Variants in VRK2 observed in about 807,000 individuals in gnomAD.
VRK2 encodes the protein serine/threonine-protein kinase VRK2.
A neutral mutation model predicts 57.6 loss-of-function variants in VRK2; 60 were observed. The ratio of observed to expected loss-of-function variants is 1.04; its 90% CI spans 0.85 to 1.29. The LOEUF (loss-of-function observed/expected upper bound fraction) is 1.29, where lower values mean the gene tolerates loss of function less well. Ranked by LOEUF, VRK2 falls within the 50% of genes most tolerant of loss-of-function variation. The probability of loss-of-function intolerance (pLI) is 0.00; values close to 1 mark genes in which losing one functional copy is unlikely to be tolerated. For missense variants in VRK2, 705 were observed against 588.1 expected, an observed-to-expected ratio of 1.20 and a Z score of -2.06; for synonymous variants, 231 against 199.2, an observed-to-expected ratio of 1.16 and a Z score of -1.35.
chr2:58,147,841 TATTAGTA>T (rs1682399824), intron 12 of VRK2, among the ~76,000 whole-genome samples: 1 of 150,866 alleles, frequency 6.6e-6, no homozygotes, highest in Non-Finnish European at 1.5e-5. Flanking sequence ...TTCATGCATG[TATTAGTA>T]ATTTGTTTTT....
At chr2:58,047,517 T>C (rs954419664) in intron 1 of VRK2, 2 of 901,650 alleles carry the variant, frequency 2.2e-6, no homozygotes, top group Non-Finnish European at 2.7e-6. Flanking sequence ...CTGAGGCCGC[T>C]GCCTTGCCCC....
intron 1 of VRK2, among the ~76,000 whole-genome samples, chr2:58,047,921 T>C (rs185134246): frequency 4.6e-5 from 7 of 152,380 alleles, no homozygotes; most frequent in Admixed American, 3.3e-4. Context: ...TTTACGTATA[T>C]ACGTTTTTAA....
chr2:58,057,579 G>T (rs887379638), intron 2 of VRK2, among the ~76,000 whole-genome samples: 10 of 152,114 alleles, frequency 6.6e-5, no homozygotes, highest in Non-Finnish European at 1.5e-4. Flanking sequence ...CGTTTGTGGG[G>T]AAAAGCATGG....
intron 1 of VRK2, among the ~76,000 whole-genome samples, chr2:57,910,510 C>G (rs977968716): frequency 1.3e-5 from 2 of 152,144 alleles, no homozygotes; most frequent in African/African-American, 4.8e-5. Context: ...CATGACAAGC[C>G]TGTAATATTT....
intron 1 of VRK2, among the ~76,000 whole-genome samples, chr2:57,920,191 G>C (rs1670295314): frequency 6.6e-6 from 1 of 151,954 alleles, no homozygotes; most frequent in South Asian, 2.1e-4. Context: ...AATAAGATCA[G>C]TCCAAAAAAA....
chr2:58,107,407 A>T (rs1674914481), intron 7 of VRK2, among the ~76,000 whole-genome samples: 1 of 151,990 alleles, frequency 6.6e-6, no homozygotes, highest in East Asian at 1.9e-4. Flanking sequence ...TTCTCTCTTT[A>T]CGCATGATAT....
chr2:58,049,187 C>A (rs752301334), intron 2 of VRK2, among the ~76,000 whole-genome samples: 8 of 152,078 alleles, frequency 5.3e-5, no homozygotes, highest in Non-Finnish European at 1.2e-4. Flanking sequence ...TCTTAGAAGT[C>A]TTTTTAGAGC....
intron 12 of VRK2, among the ~76,000 whole-genome samples, chr2:58,150,761 T>C: frequency 6.6e-6 from 1 of 151,602 alleles, no homozygotes; most frequent in Middle Eastern, 3.4e-3. Context: ...CTAACGTATA[T>C]AGTTAAACCT....
At chr2:58,123,402 T>C (rs1161545272) in intron 8 of VRK2, among the ~76,000 whole-genome samples, 169 bp downstream of exon 8, 1 of 152,190 alleles carries the variant, frequency 6.6e-6, no homozygotes, top group African/African-American at 2.4e-5. Flanking sequence ...ATATTTCTTC[T>C]AACAGTGGAA....
chr2:58,019,025 A>G (rs1247214673), intron 1 of VRK2, among the ~76,000 whole-genome samples: 2 of 152,218 alleles, frequency 1.3e-5, no homozygotes, highest in African/African-American at 4.8e-5. Flanking sequence ...AACTTTTTAT[A>G]CAATATTTTA....
intron 1 of VRK2, among the ~76,000 whole-genome samples, chr2:57,927,308 G>T (rs1305408139): frequency 1.4e-5 from 2 of 142,562 alleles, no homozygotes; most frequent in Non-Finnish European, 3.0e-5. Flanking sequence ...ATGAAGTCTC[G>T]CTCTATCGCC....
At chr2:58,068,689 G>A (rs1371987999) in intron 2 of VRK2, among the ~76,000 whole-genome samples, 1 of 151,202 alleles carries the variant, frequency 6.6e-6, no homozygotes, top group African/African-American at 2.4e-5. Flanking sequence ...TTCTAAGGTG[G>A]TGTTCAATTT....
chr2:57,913,344 A>T (rs892522382), intron 1 of VRK2, among the ~76,000 whole-genome samples: 3 of 152,208 alleles, frequency 2.0e-5, no homozygotes, highest in South Asian at 2.1e-4. Flanking sequence ...CTGTCTATAA[A>T]AGTGCTTTTT....
chr2:58,073,052 TA>T (rs1424218039), intron 2 of VRK2, among the ~76,000 whole-genome samples: 16 of 152,156 alleles, frequency 1.1e-4, no homozygotes, highest in African/African-American at 3.6e-4. Context: ...AAATACTTTT[TA>T]AAATGTACTT....
intron 7 of VRK2, among the ~76,000 whole-genome samples, chr2:58,113,255 G>T (rs2104423845): frequency 6.6e-6 from 1 of 151,094 alleles, no homozygotes; most frequent in East Asian, 1.9e-4. Flanking sequence ...GTTGCAGTGA[G>T]CTGAGACTGT....
At chr2:57,984,908 G>A (rs1032638915) in intron 1 of VRK2, among the ~76,000 whole-genome samples, 6 of 151,772 alleles carry the variant, frequency 4.0e-5, no homozygotes, top group Non-Finnish European at 8.8e-5. Flanking sequence ...CAAGCTGGAA[G>A]ATATAATTAA....
At position 57,966,239 on chromosome 2, in the gene VRK2, A is replaced by G. The variant is rs150725617; in HGVS notation, c.-439+58400A>G. Among the ~76,000 whole-genome samples, 1,261 of 152,328 alleles carry G rather than the reference A, an allele frequency of 8.3e-3. 52 individuals are homozygous for G. The highest frequency in any genetic ancestry group is 0.077 in the Admixed American group (1,181 of 15,296). On this transcript the variant is annotated intron_variant, in intron 1 of 15. Coordinates refer to the VRK2 transcript ENST00000417641. ...GCCCATGGGCATTATGATGAGCCAA[A>G]TGGATGATTTGCGCACAGTGGGTTG... is the stretch of plus-strand genomic sequence containing the variant.
intron 1 of VRK2, among the ~76,000 whole-genome samples, chr2:58,010,579 G>A (rs1673389125): frequency 6.6e-6 from 1 of 152,078 alleles, no homozygotes; most frequent in Non-Finnish European, 1.5e-5. Context: ...TGACTCTTTT[G>A]GTTGGAATAT....
At chr2:57,936,501 T>A (rs1247831132) in intron 1 of VRK2, among the ~76,000 whole-genome samples, 1 of 151,576 alleles carries the variant, frequency 6.6e-6, no homozygotes, top group Non-Finnish European at 1.5e-5. Context: ...CTTGCTTTCA[T>A]TTTTTTGTTT....
Sources: gnomAD v4.1 joint callset for allele counts (sites outside exome capture counted in the v4.1 genomes callset) on GRCh38, gnomAD v4.1.1 for gene constraint, MANE v1.5 for transcripts, NCBI Gene and HGNC (gene_info 2026-07-23, HGNC 2026-07-21) for gene names.